The following NCAPD3 variants were observed in gnomAD, a reference collection of about 807,000 sequenced individuals.
NCAPD3 encodes non-SMC condensin II complex subunit D3.
A neutral mutation model predicts 182.9 loss-of-function variants in NCAPD3; 105 were observed. The ratio of observed to expected loss-of-function variants is 0.57; its 90% CI spans 0.49 to 0.68. The LOEUF is 0.68. Ranked by LOEUF, NCAPD3 falls within the 30% of genes least tolerant of loss-of-function variation. NCAPD3 has a pLI of 0.00. For synonymous variants in NCAPD3, 815 were observed against 679.9 expected, an observed-to-expected ratio of 1.20 and a Z score of -3.09; for missense variants, 1,944 against 1,837.0, an observed-to-expected ratio of 1.06 and a Z score of -1.07.
intron 1 of NCAPD3, chr11:134,223,382 C>T: frequency 1.4e-6 from 1 of 701,718 alleles, no homozygotes; most frequent in East Asian, 2.7e-5. Context: ...GCCATGACTC[C>T]TGGGTTGGTG....
chr11:134,161,355 G>T (rs1166615940), intron 28 of NCAPD3, among the ~76,000 whole-genome samples: 1 of 152,192 alleles, frequency 6.6e-6, no homozygotes, highest in Non-Finnish European at 1.5e-5. Context: ...AGCTCCGAAG[G>T]CAGCTCCTGC....
chr11:134,216,899 G>A (rs375407335), intron 3 of NCAPD3, 37 bp downstream of exon 3: 2 of 1,543,370 alleles, frequency 1.3e-6, no homozygotes, highest in Non-Finnish European at 1.7e-6. Flanking sequence ...AGAAAAAAAT[G>A]ACAGAAGATT....
intron 22 of NCAPD3, chr11:134,178,371 C>T (rs950128500): frequency 3.4e-6 from 1 of 298,432 alleles, no homozygotes; most frequent in Non-Finnish European, 6.1e-6. Flanking sequence ...ATTAACATAA[C>T]CCTACTGAAA....
At chr11:134,215,191 G>A (rs967571971) in intron 3 of NCAPD3, among the ~76,000 whole-genome samples, 9 of 151,914 alleles carry the variant, frequency 5.9e-5, no homozygotes, top group South Asian at 2.1e-4. Flanking sequence ...AACTTAATAA[G>A]GGCCATCCTG....
rs546713506 is a variant in NCAPD3, at chr11:134,196,387, T to G, written c.1616-1649A>C. On this transcript the variant is annotated intron_variant, in intron 13 of 34. Transcript: ENST00000534548. Reference sequence around the variant, plus strand: ...GGCCAGGCGCGGTGGCTCACGCCTGTAATGCCAGCTCTTTGGGAGGCCGAG... The same window carrying G: ...GGCCAGGCGCGGTGGCTCACGCCTGGAATGCCAGCTCTTTGGGAGGCCGAG... Among the ~76,000 whole-genome samples the G allele has an allele frequency of 2.6e-5, 4 of 152,236 alleles. No homozygotes were observed. The East Asian group carries it at 7.7e-4, about 29-fold the overall frequency.
chr11:134,168,890 G>A (rs372968207), intron 25 of NCAPD3, 27 bp downstream of exon 25: 1 of 1,603,560 alleles, frequency 6.2e-7, no homozygotes, highest in African/African-American at 1.3e-5. Context: ...CAGATACAAG[G>A]AGACCAGACT....
intron 32 of NCAPD3, among the ~76,000 whole-genome samples, chr11:134,155,080 G>A (rs376097203): frequency 1.2e-4 from 19 of 152,304 alleles, no homozygotes; most frequent in South Asian, 6.2e-4. Context: ...TGCACTGTGC[G>A]TAGAATCGAA....
At position 134,204,126 on chromosome 11, in the gene NCAPD3, C is replaced by T; in HGVS notation, c.1135G>A (p.Val379Ile). 6.2e-7 allele frequency: 1 copy of T among 1,614,070 alleles called. No homozygotes were observed. Among genetic ancestry groups the T allele is most frequent in the Non-Finnish European group, 8.5e-7 (1 of 1,180,006 alleles). Residue 379 changes from valine to isoleucine, a missense_variant, in exon 10 of 35, where the codon GTC (valine) becomes ATC (isoleucine). This residue lies in a region of NCAPD3 where 1,803 missense variants were observed against 1,674.6 expected (regional missense o/e 1.08). Coordinates refer to ENST00000534548, the MANE Select transcript of NCAPD3 (RefSeq NM_015261.3). The surrounding 1 kb of genome is among the most constrained non-coding windows in gnomAD (Gnocchi z 4.3). ...EYRTFAAQSL[V>I]QLLSKLPCGE... ...CAAGGAAGTTTACTGAGCAGCTGGA[C>T]TAGGGACTGGGCTGCAAAAGTACGA...
Position 134,181,046 on chromosome 11 carries a change from AAAAGAATGGTTAGGAAAAGCAGTCGCTT to A in NCAPD3, c.2559+3_2559+30del. 6.5e-7 allele frequency: 1 copy of A among 1,527,532 alleles called. No individual in the cohort carries two copies. Among genetic ancestry groups the A allele is most frequent in the Non-Finnish European group, 9.1e-7 (1 of 1,101,732 alleles). 94.6% of individuals were successfully genotyped at this position (1,527,532 alleles called of 1,614,324 possible). The stretch of plus-strand genomic sequence containing the variant: ...GAACCTCACGGATAAAATGGAAGCG[AAAAGAATGGTTAGGAAAAGCAGTCGCTT>A]ACCAACAGGTCTTCGTCCATATTCC... On this transcript the variant is annotated splice_donor_5th_base_variant and intron_variant, in intron 20 of 34. Coordinates refer to ENST00000534548, the MANE Select transcript of NCAPD3 (RefSeq NM_015261.3).
chr11:134,184,043 T>C (rs995355126), intron 19 of NCAPD3, among the ~76,000 whole-genome samples: 2 of 152,242 alleles, frequency 1.3e-5, no homozygotes, highest in African/African-American at 4.8e-5. Flanking sequence ...AAATTATTTC[T>C]TCAGTTACTG....
chr11:134,156,967 G>C, intron 32 of NCAPD3, 51 bp downstream of exon 32: 1 of 1,467,540 alleles, frequency 6.8e-7, no homozygotes, highest in Non-Finnish European at 9.5e-7. Flanking sequence ...AACACATCAC[G>C]AATGCAGGAG....
At chr11:134,217,854 T>G (rs1344408337) in intron 2 of NCAPD3, among the ~76,000 whole-genome samples, 1 of 152,066 alleles carries the variant, frequency 6.6e-6, no homozygotes, top group African/African-American at 2.4e-5. Context: ...ATCCCAGCAC[T>G]TTGAGAGGCC....
At chr11:134,200,359 A>G (rs1407286912) in intron 13 of NCAPD3, among the ~76,000 whole-genome samples, 1 of 152,214 alleles carries the variant, frequency 6.6e-6, no homozygotes, top group East Asian at 1.9e-4. Context: ...GTATATATAT[A>G]AAAATAACTC....
At chr11:134,158,526 CTA>C in intron 29 of NCAPD3, 31 bp from the exon 30 acceptor site, 1 of 1,596,188 alleles carries the variant, frequency 6.3e-7, no homozygotes, top group Admixed American at 1.7e-5. Context: ...TATGTACATT[CTA>C]ATACTTTTTA....
At chr11:134,166,328 ACACT>A (rs1406415512) in intron 27 of NCAPD3, among the ~76,000 whole-genome samples, 2 of 13,726 alleles carry the variant, frequency 1.5e-4, no homozygotes, top group Non-Finnish European at 2.3e-4. Flanking sequence ...TTGGAGAGGC[ACACT>A]CACTAGTGAG....
chr11:134,184,628 T>G lies in NCAPD3; in HGVS notation c.2451+9A>C. The G allele has an allele frequency of 6.3e-7, 1 of 1,581,962 alleles. No homozygotes were observed. Among genetic ancestry groups the G allele is most frequent in the Non-Finnish European group, 8.6e-7 (1 of 1,162,586 alleles). ...AGTCAGAAACATGTCAGGGAAAGTCTGGCCATACCTGCTCCTCTGCTGGTG... is the reference window on the plus strand; with the variant it reads ...AGTCAGAAACATGTCAGGGAAAGTCGGGCCATACCTGCTCCTCTGCTGGTG... On this transcript the variant is annotated intron_variant, in intron 19 of 34. Coordinates refer to ENST00000534548, the MANE Select transcript of NCAPD3 (RefSeq NM_015261.3).
chr11:134,193,507 C>A (rs1439702713), intron 15 of NCAPD3, among the ~76,000 whole-genome samples: 1 of 152,238 alleles, frequency 6.6e-6, no homozygotes, highest in Non-Finnish European at 1.5e-5. Flanking sequence ...AATCCCAGCA[C>A]TTTGGGAGGC....
intron 32 of NCAPD3, among the ~76,000 whole-genome samples, chr11:134,156,413 C>G (rs964724243): frequency 6.6e-6 from 1 of 152,186 alleles, no homozygotes; most frequent in African/African-American, 2.4e-5. Context: ...TAAGAGTTTT[C>G]TCAAAATAAT....
At chr11:134,188,652 T>C (rs1944462330) in intron 16 of NCAPD3, among the ~76,000 whole-genome samples, 1 of 152,120 alleles carries the variant, frequency 6.6e-6, no homozygotes. Context: ...GTCTGCGGCC[T>C]CACTCCTGAA....
Sources: allele counts gnomAD v4.1 joint callset (sites outside exome capture counted in the v4.1 genomes callset), GRCh38; gene constraint gnomAD v4.1.1; regional missense constraint gnomAD v4.1.1; non-coding constraint Gnocchi (gnomAD v3.1); transcripts MANE v1.5; gene names NCBI Gene and HGNC (gene_info 2026-07-23, HGNC 2026-07-21).